The following ZCCHC2 variants were observed in gnomAD, a reference collection of about 807,000 sequenced individuals.
ZCCHC2 encodes zinc finger CCHC-type containing 2, also known as zinc finger CCHC domain-containing protein 2.
ZCCHC2 carries 39 observed loss-of-function variants against 103.6 expected under a neutral mutation model. That is an observed-to-expected ratio of 0.38 (90% CI 0.29 to 0.49). ZCCHC2 has a LOEUF of 0.49. Among genes scored for constraint, ZCCHC2 ranks in the 20% least tolerant of loss-of-function variants. The pLI is 0.96. For synonymous variants in ZCCHC2, 687 were observed against 608.9 expected (o/e 1.13, Z -1.89); for missense variants, 1,483 against 1,491.0 (o/e 0.99, Z 0.09).
Position 62,527,552 on chromosome 18 carries a change from G to A in ZCCHC2, c.939+3189G>A, listed in dbSNP as rs183708490. 1.8e-4 allele frequency among the ~76,000 whole-genome samples: 27 copies of A among 152,224 alleles called. No individual in the cohort carries two copies. In the East Asian group the frequency reaches 2.3e-3, roughly 13 times the overall value. On this transcript the variant is annotated intron_variant, in intron 1 of 13. Coordinates refer to ENST00000269499, the MANE Select transcript of ZCCHC2 (RefSeq NM_017742.6). ...ATGACTTTATGGTAAATATTACATT[G>A]GATTACAACTTAAATGTCAGCAGTT... is the stretch of plus-strand genomic sequence containing the variant.
intron 1 of ZCCHC2, among the ~76,000 whole-genome samples, chr18:62,536,303 A>G (rs1412126201): frequency 1.3e-5 from 2 of 152,240 alleles, no homozygotes; most frequent in African/African-American, 2.4e-5. Context: ...ATGCACTCCT[A>G]CTAAAGTTCT....
intron 5 of ZCCHC2, among the ~76,000 whole-genome samples, chr18:62,552,922 C>G (rs954646644): frequency 1.3e-5 from 2 of 151,190 alleles, no homozygotes; most frequent in African/African-American, 4.9e-5. Flanking sequence ...GTGGGTGACT[C>G]CTTGTTAAAG....
At chr18:62,535,402 T>C (rs1289747802) in intron 1 of ZCCHC2, among the ~76,000 whole-genome samples, 4 of 152,222 alleles carry the variant, frequency 2.6e-5, no homozygotes, top group Non-Finnish European at 4.4e-5. Flanking sequence ...AATCTGCCTA[T>C]TTAAAGAACA....
intron 1 of ZCCHC2, among the ~76,000 whole-genome samples, chr18:62,530,063 A>C (rs941734006): frequency 6.6e-6 from 1 of 152,168 alleles, no homozygotes; most frequent in African/African-American, 2.4e-5. Context: ...TCCAGACTGG[A>C]GCACTCTTGG....
rs1163264135 is a variant in ZCCHC2 at position 62,553,145 on chromosome 18, C to T, written c.1313+2685C>T. 6.8e-5 allele frequency among the ~76,000 whole-genome samples: 10 copies of T among 146,728 alleles called. 1 individual carries two copies. In the South Asian group the frequency reaches 2.0e-3, roughly 29 times the overall value. ...CCAAAATTTTCTGTGCACATACATG[C>T]CCTTAGATTTATGTGTGTGTGTGTG... On this transcript the variant is annotated intron_variant, in intron 5 of 13. Coordinates refer to ENST00000269499, the MANE Select transcript of ZCCHC2 (RefSeq NM_017742.6).
intron 3 of ZCCHC2, among the ~76,000 whole-genome samples, chr18:62,543,040 G>C (rs1915265590): frequency 6.6e-6 from 1 of 152,102 alleles, no homozygotes; most frequent in Non-Finnish European, 1.5e-5. Context: ...CTGATTCTGT[G>C]CTCCCAGGTG....
chr18:62,533,794 C>A (rs1264909155), intron 1 of ZCCHC2, among the ~76,000 whole-genome samples: 1 of 148,956 alleles, frequency 6.7e-6, no homozygotes, highest in Non-Finnish European at 1.5e-5. Context: ...ATCGTTTGAA[C>A]CTGGGAGGCA....
intron 7 of ZCCHC2, among the ~76,000 whole-genome samples, 200 bp downstream of exon 7, chr18:62,558,970 G>T (rs190210807): frequency 4.1e-4 from 63 of 152,316 alleles, no homozygotes; most frequent in African/African-American, 1.5e-3. Flanking sequence ...TGTGGACAAA[G>T]AATAGACCGT....
At position 62,560,508 on chromosome 18, in the gene ZCCHC2, T is replaced by A. The variant is rs1050263154; in HGVS notation, c.1493-79T>A. 76 of 1,139,026 alleles carry A rather than the reference T, an allele frequency of 6.7e-5. No individual in the cohort carries two copies. In the African/African-American group the frequency reaches 1.1e-3, roughly 17 times the overall value. 70.6% of individuals were successfully genotyped at this position (1,139,026 alleles called of 1,614,324 possible). ...TACCATCTGTCACCAGTGGTTATGA[T>A]CATACAAACTAGTAGCATCCTACTG... On this transcript the variant is annotated intron_variant, in intron 7 of 13. Transcript: ENST00000269499.
chr18:62,523,533 C>T lies in ZCCHC2; in HGVS notation c.109C>T (p.Arg37Cys), dbSNP rs1459906431. ...ARPGAKAPSR[R>C]RRDCRPPPPP... is the part of the protein sequence containing the mutation. The stretch of plus-strand genomic sequence containing the variant: ...GCCGGGCGCGAAGGCGCCTTCGCGC[C>T]GCCGCCGCGACTGCCGCCCCCCGCC... Residue 37 changes from arginine to cysteine, a missense_variant, in exon 1 of 14, where the codon CGC becomes TGC. By Grantham distance (180) the Arg-to-Cys change is radical. Around this residue, in one of 3 missense-constraint regions of ZCCHC2, gnomAD observed 568 missense variants for 525.1 expected, o/e 1.08. Coordinates refer to ENST00000269499, the MANE Select transcript of ZCCHC2 (RefSeq NM_017742.6). 2 of 951,322 alleles carry T rather than the reference C, an allele frequency of 2.1e-6. No homozygotes were observed. Among genetic ancestry groups the T allele is most frequent in the African/African-American group, 4.0e-5 (2 of 49,828 alleles). 58.9% of individuals were successfully genotyped at this position (951,322 alleles called of 1,614,324 possible).
chr18:62,572,585 G>A (rs1286208697), intron 12 of ZCCHC2, among the ~76,000 whole-genome samples: 1 of 152,154 alleles, frequency 6.6e-6, no homozygotes, highest in South Asian at 2.1e-4. Flanking sequence ...GGGCGTGGGT[G>A]GCTTTGCTGT....
chr18:62,540,748 C>T (rs2145496240), intron 2 of ZCCHC2, among the ~76,000 whole-genome samples: 1 of 152,144 alleles, frequency 6.6e-6, no homozygotes, highest in East Asian at 1.9e-4. Flanking sequence ...AAAGGTGGTA[C>T]TGTAGATTAT....
At chr18:62,531,791 T>TA (rs11315078) in intron 1 of ZCCHC2, among the ~76,000 whole-genome samples, 1,440 of 113,470 alleles carry the variant, frequency 0.013, 18 homozygotes, top group African/African-American at 0.042. Flanking sequence ...CTACAAAAAG[T>TA]AAAAAAAAAA....
rs536116920 is a variant in ZCCHC2, at chr18:62,556,772, C to CGTCACCATCCCTTT, written c.1408+478_1408+491dup. On this transcript the variant is annotated intron_variant, in intron 6 of 13. Coordinates refer to ENST00000269499, the MANE Select transcript of ZCCHC2 (RefSeq NM_017742.6). ...AAGGATGTCTTCCTTTATGTCCCTT[C>CGTCACCATCCCTTT]GTCACCATCCCTTTGTTTACAGTTA... Among the ~76,000 whole-genome samples, 316 of 152,340 alleles carry CGTCACCATCCCTTT rather than the reference C, an allele frequency of 2.1e-3. 5 individuals are homozygous for CGTCACCATCCCTTT. Among genetic ancestry groups the CGTCACCATCCCTTT allele is most frequent in the Non-Finnish European group, 4.7e-4 (32 of 68,032 alleles).
chr18:62,556,858 T>C (rs183674027), intron 6 of ZCCHC2, among the ~76,000 whole-genome samples: 1 of 152,308 alleles, frequency 6.6e-6, no homozygotes, highest in East Asian at 1.9e-4. Flanking sequence ...CAGATTCTAG[T>C]TTCCCACTCT....
At chr18:62,568,211 T>A (rs1213607542) in intron 11 of ZCCHC2, among the ~76,000 whole-genome samples, 1 of 152,210 alleles carries the variant, frequency 6.6e-6, no homozygotes, top group Admixed American at 6.5e-5. Context: ...CCAGTATTTT[T>A]AGTGTTAGAA....
Position 62,576,844 on chromosome 18 carries a change from CT to C in ZCCHC2, c.*281del, listed in dbSNP as rs34072948. 0.63 allele frequency: 134,107 copies of C among 214,276 alleles called. 37,469 individuals carry two copies. Among genetic ancestry groups the C allele is most frequent in the Admixed American group, 0.74 (13,075 of 17,646 alleles). 13.3% of individuals were successfully genotyped at this position (214,276 alleles called of 1,614,324 possible). On this transcript the variant is annotated 3_prime_UTR_variant, in exon 14 of 14. Transcript: ENST00000269499. The stretch of plus-strand genomic sequence containing the variant: ...AGACAAACTTAAATGTTGGTGCGTG[CT>C]TTTTTTTTTTTTTTTACACTGAATA...
chr18:62,531,533 C>T (rs1914672029), intron 1 of ZCCHC2, among the ~76,000 whole-genome samples: 1 of 152,076 alleles, frequency 6.6e-6, no homozygotes, highest in Non-Finnish European at 1.5e-5. Flanking sequence ...TATCTGTTTC[C>T]TATAATTGTT....
At position 62,574,523 on chromosome 18, in the gene ZCCHC2, G is replaced by T; in HGVS notation, c.2442G>T (p.Arg814Ser). The change falls in exon 13 of 14, where the codon AGG becomes AGT. Residue 814 changes from arginine (R) to serine (S), a missense_variant. Around this residue, in one of 3 missense-constraint regions of ZCCHC2, gnomAD observed 884 missense variants for 907.5 expected, o/e 0.97. Transcript: ENST00000269499. ...CCGCTTTGCATCTTACAGTTCAGAG[G>T]CTAAAGTTGCCACCACCACAGGGAT... ...STPALHLTVQ[R>S]LKLPPPQGSS... 3.7e-6 allele frequency: 6 copies of T among 1,613,924 alleles called. No individual in the cohort carries two copies. Among genetic ancestry groups the T allele is most frequent in the Non-Finnish European group, 5.1e-6 (6 of 1,179,894 alleles).
Sources: allele counts gnomAD v4.1 joint callset (sites outside exome capture counted in the v4.1 genomes callset), GRCh38; gene constraint gnomAD v4.1.1; regional missense constraint gnomAD v4.1.1; transcripts MANE v1.5; gene names NCBI Gene and HGNC (gene_info 2026-07-23, HGNC 2026-07-21).